Variants in SDHA observed in about 807,000 individuals in gnomAD.
The protein encoded by SDHA is succinate dehydrogenase complex flavoprotein subunit A.
SDHA carries 48 observed loss-of-function variants against 78.4 expected under a neutral mutation model. The observed-to-expected ratio is 0.61, with a 90% confidence interval of 0.49 to 0.78. SDHA has a LOEUF of 0.78. SDHA is among the 30% of genes least tolerant of loss of function. SDHA has a pLI of 0.00. For missense variants in SDHA, 680 were observed against 892.7 expected (o/e 0.76, Z 3.04); for synonymous variants, 326 against 353.9 (o/e 0.92, Z 0.88).
Position 231,012 on chromosome 5 carries a change from C to T in SDHA, c.895+12C>T, listed in dbSNP as rs545028751. On this transcript the variant is annotated intron_variant, in intron 7 of 14. Coordinates refer to ENST00000264932, the MANE Select transcript of SDHA (RefSeq NM_004168.4). ...GTTCCACCCTACAGGTAGGGCAGGA[C>T]GCCTTGCCCGGCAGGTGTTTGGCTT... 1.9e-5 allele frequency: 31 copies of T among 1,613,700 alleles called. No individual in the cohort carries two copies. The highest frequency in any genetic ancestry group is 4.5e-5 in the East Asian group (2 of 44,894).
chr5:235,735 C>T (rs927558604), intron 9 of SDHA: 17 of 352,088 alleles, frequency 4.8e-5, no homozygotes, highest in Non-Finnish European at 8.2e-5. Context: ...GCTCTCCCTG[C>T]GTAGACGAAG....
chr5:266,620 A>G, the SDHA span, among the ~76,000 whole-genome samples: 2 of 152,234 alleles, frequency 1.3e-5, no homozygotes, highest in Non-Finnish European at 2.9e-5. Flanking sequence ...AGGACACACC[A>G]AAGAAGTAAA....
At chr5:243,853 A>G (rs1401969626) in intron 11 of SDHA, among the ~76,000 whole-genome samples, 2 of 152,176 alleles carry the variant, frequency 1.3e-5, no homozygotes, top group Admixed American at 6.5e-5. Context: ...GGCACAAGCT[A>G]TGGCAGGACT....
At chr5:238,821 T>A (rs1296847250) in intron 10 of SDHA, among the ~76,000 whole-genome samples, 2 of 151,880 alleles carry the variant, frequency 1.3e-5, no homozygotes, top group East Asian at 3.9e-4. Flanking sequence ...TAGCTGGGCA[T>A]GGTGGCTCAC....
At chr5:264,411 C>G in the SDHA span, among the ~76,000 whole-genome samples, 1 of 152,170 alleles carries the variant, frequency 6.6e-6, no homozygotes, top group South Asian at 2.1e-4. Flanking sequence ...GGTGAGGGCA[C>G]AGGGTGTCTG....
intron 9 of SDHA, chr5:236,089 A>G (rs1248595838): frequency 2.7e-6 from 1 of 366,962 alleles, no homozygotes; most frequent in African/African-American, 2.1e-5. Flanking sequence ...CAGTGGTGCG[A>G]TCTCAGCTCA....
At chr5:255,098 C>T (rs916224459) in intron 14 of SDHA, among the ~76,000 whole-genome samples, 3 of 97,822 alleles carry the variant, frequency 3.1e-5, no homozygotes, top group African/African-American at 1.5e-4. Flanking sequence ...TTTCCACACA[C>T]GGTGAGCAGC....
chr5:235,112 C>T (rs760968124), intron 8 of SDHA, 32 bp from the exon 9 acceptor site: 1 of 1,609,670 alleles, frequency 6.2e-7, no homozygotes, highest in Non-Finnish European at 8.5e-7. Flanking sequence ...TTGCCGTTCT[C>T]TGCCGTATGT....
intron 12 of SDHA, 44 bp downstream of exon 12, chr5:251,147 T>G: frequency 6.3e-7 from 1 of 1,590,784 alleles, no homozygotes; most frequent in South Asian, 1.1e-5. Flanking sequence ...GGCCCTTCCT[T>G]CTGCAGGGTG....
At chr5:255,530 C>T (rs922183184) in intron 14 of SDHA, among the ~76,000 whole-genome samples, 17 of 151,838 alleles carry the variant, frequency 1.1e-4, no homozygotes, top group African/African-American at 4.1e-4. Context: ...GATCTCGTCT[C>T]ACTGCAGCCT....
chr5:262,351 G>GCATTACCGTGTGAGCTCCGCCTCCCGT, the SDHA span, among the ~76,000 whole-genome samples: 1 of 31,364 alleles, frequency 3.2e-5, no homozygotes, highest in Non-Finnish European at 5.9e-5. Flanking sequence ...CCGCCTCCCG[G>GCATTACCGTGTGAGCTCCGCCTCCCGT]CAGAGCATTA....
chr5:250,067 CAT>C (rs199500759), intron 11 of SDHA: 4 of 152,098 alleles, frequency 2.6e-5, no homozygotes, highest in Non-Finnish European at 5.9e-5. Flanking sequence ...GATATGAAAA[CAT>C]GTGGCTGCTA....
At chr5:232,581 C>T (rs540376060) in intron 7 of SDHA, among the ~76,000 whole-genome samples, 1 of 152,122 alleles carries the variant, frequency 6.6e-6, no homozygotes, top group Non-Finnish European at 1.5e-5. Flanking sequence ...TGAATTCCCT[C>T]TGTAATTTGC....
chr5:218,792 C>T (rs1734537690), intron 1 of SDHA, among the ~76,000 whole-genome samples: 1 of 152,202 alleles, frequency 6.6e-6, no homozygotes, highest in African/African-American at 2.4e-5. Context: ...CCAAGGTCAC[C>T]CGGGCGGATA....
In SDHA at chr5:244,866, T is replaced by C. The variant is rs745320296; in HGVS notation, c.1551+4390T>C. Among the ~76,000 whole-genome samples the C allele has an allele frequency of 5.7e-4, 87 of 152,308 alleles. 1 individual carries two copies. The highest frequency in any genetic ancestry group is 3.5e-3 in the Admixed American group (54 of 15,292). ...AAGTTCTAATTCCAGAGCAATTATATAGCCCTCAAAGTCAACATATGCATG... is the reference window on the plus strand; with the variant it reads ...AAGTTCTAATTCCAGAGCAATTATACAGCCCTCAAAGTCAACATATGCATG... On this transcript the variant is annotated intron_variant, in intron 11 of 14. Coordinates refer to ENST00000264932, the MANE Select transcript of SDHA (RefSeq NM_004168.4).
At chr5:254,675 G>A (rs1275207242) in intron 14 of SDHA, among the ~76,000 whole-genome samples, 169 bp downstream of exon 14, 11 of 152,134 alleles carry the variant, frequency 7.2e-5, no homozygotes, top group East Asian at 1.9e-4. Flanking sequence ...GTCGGGCTTC[G>A]GGCTGGAAAC....
chr5:268,683 C>G, the SDHA span, among the ~76,000 whole-genome samples: 1 of 152,092 alleles, frequency 6.6e-6, no homozygotes, highest in African/African-American at 2.4e-5. Flanking sequence ...GAGGATTAAA[C>G]AAAGCCACAT....
chr5:247,203 C>T (rs56081398), intron 11 of SDHA, among the ~76,000 whole-genome samples: 19,682 of 152,224 alleles, frequency 0.13, 1,345 homozygotes, highest in Admixed American at 0.17. Flanking sequence ...TTTTAATATG[C>T]TTATTAATGT....
At chr5:225,606 G>C (rs1160307336) in intron 4 of SDHA, 44 bp downstream of exon 4, 6 of 1,613,404 alleles carry the variant, frequency 3.7e-6, no homozygotes, top group East Asian at 2.2e-5. Flanking sequence ...TCTGTTTCTA[G>C]TACAAAAGAA....
Sources: gnomAD v4.1 joint callset for allele counts (sites outside exome capture counted in the v4.1 genomes callset) on GRCh38, gnomAD v4.1.1 for gene constraint, MANE v1.5 for transcripts, NCBI Gene and HGNC (gene_info 2026-07-23, HGNC 2026-07-21) for gene names.